Variants in IQGAP2 observed in about 807,000 individuals in gnomAD.
IQGAP2 encodes the protein IQ motif containing GTPase activating protein 2.
A neutral mutation model predicts 201.3 loss-of-function variants in IQGAP2; 173 were observed. That is an observed-to-expected ratio of 0.86 (90% CI 0.76 to 0.98). The LOEUF (loss-of-function observed/expected upper bound fraction) is 0.98. Among genes scored for constraint, IQGAP2 ranks in the 50% least tolerant of loss-of-function variants. The pLI is 0.00. For missense variants in IQGAP2, 1,687 were observed against 1,864.8 expected, an observed-to-expected ratio of 0.90 and a Z score of 1.76; for synonymous variants, 675 against 673.9, an observed-to-expected ratio of 1.00 and a Z score of -0.03.
chr5:76,589,787 A>G (rs1746517918), intron 7 of IQGAP2, 59 bp downstream of exon 7: 2 of 794,142 alleles, frequency 2.5e-6, no homozygotes, highest in Non-Finnish European at 3.9e-6. Context: ...TACTTTACCT[A>G]TTGATTTTGA....
chr5:76,639,886 GA>G (rs1276194966), intron 16 of IQGAP2, among the ~76,000 whole-genome samples: 2 of 151,984 alleles, frequency 1.3e-5, no homozygotes, highest in African/African-American at 2.4e-5. Context: ...TAATTTTGAA[GA>G]AAAAAATGAA....
chr5:76,493,130 C>T (rs531391748), intron 2 of IQGAP2, among the ~76,000 whole-genome samples: 49 of 152,322 alleles, frequency 3.2e-4, no homozygotes, highest in Admixed American at 5.2e-4. Flanking sequence ...CTTGTCCCCA[C>T]TTGCTCTGTT....
At chr5:76,628,315 T>C (rs1466440725) in intron 14 of IQGAP2, among the ~76,000 whole-genome samples, 1 of 152,202 alleles carries the variant, frequency 6.6e-6, no homozygotes, top group African/African-American at 2.4e-5. Flanking sequence ...TGTAGGGGTT[T>C]GTGGAGGTCA....
At position 76,573,860 on chromosome 5, in the gene IQGAP2, G is replaced by A. The variant is rs183564715; in HGVS notation, c.382-1833G>A. 2.9e-4 allele frequency among the ~76,000 whole-genome samples: 44 copies of A among 150,566 alleles called. No homozygotes were observed. In the East Asian group the frequency reaches 5.9e-3, roughly 20 times the overall value. On this transcript the variant is annotated intron_variant, in intron 4 of 35. Transcript: ENST00000274364. The stretch of plus-strand genomic sequence containing the variant: ...GCTGGTCTTGAACTCCTGACCTCAC[G>A]TGATCTACCTGCCTCTGCCTTCCAA...
rs886382252 is a variant in IQGAP2 at position 76,676,239 on chromosome 5, C to T, written c.3528-979C>T. Among the ~76,000 whole-genome samples the T allele has an allele frequency of 2.0e-5, 3 of 152,208 alleles. No homozygotes were observed. In the East Asian group the frequency reaches 5.8e-4, roughly 29 times the overall value. ...AAGAAACAAGACCAAAGAAGTGAGC[C>T]TCTTCTAAACTTGTCCTTTCTTCCA... On this transcript the variant is annotated intron_variant, in intron 27 of 35. Coordinates refer to ENST00000274364, the MANE Select transcript of IQGAP2 (RefSeq NM_006633.5).
At chr5:76,633,147 G>A (rs748478477) in intron 15 of IQGAP2, among the ~76,000 whole-genome samples, 17 of 152,102 alleles carry the variant, frequency 1.1e-4, no homozygotes, top group Admixed American at 2.6e-4. Context: ...TTGCTATGTC[G>A]TTTCCCACAT....
intron 5 of IQGAP2, among the ~76,000 whole-genome samples, chr5:76,585,748 AG>A (rs2150300106): frequency 6.6e-6 from 1 of 152,218 alleles, no homozygotes; most frequent in South Asian, 2.1e-4. Flanking sequence ...TCTCAACCTC[AG>A]GTGATTTGCC....
intron 35 of IQGAP2, among the ~76,000 whole-genome samples, chr5:76,705,051 C>G (rs1747754113): frequency 6.6e-6 from 1 of 152,070 alleles, no homozygotes; most frequent in Non-Finnish European, 1.5e-5. Flanking sequence ...GATATATATT[C>G]TTCTTGTAAA....
chr5:76,482,385 A>G (rs370225964), intron 2 of IQGAP2, among the ~76,000 whole-genome samples: 7 of 152,306 alleles, frequency 4.6e-5, no homozygotes, highest in African/African-American at 1.7e-4. Flanking sequence ...TCCATGTTGC[A>G]TTTGTCTTTT....
intron 2 of IQGAP2, among the ~76,000 whole-genome samples, chr5:76,461,989 C>T (rs1219884570): frequency 6.6e-6 from 1 of 152,148 alleles, no homozygotes; most frequent in African/African-American, 2.4e-5. Context: ...TTGTTGGCAG[C>T]AGGATAATGG....
intron 5 of IQGAP2, among the ~76,000 whole-genome samples, chr5:76,578,226 G>A (rs1324459115): frequency 6.6e-6 from 1 of 152,072 alleles, no homozygotes; most frequent in Non-Finnish European, 1.5e-5. Flanking sequence ...GTGTTCTCAA[G>A]CCAGACTCCA....
At position 76,562,535 on chromosome 5, in the gene IQGAP2, G is replaced by A. The variant is rs1219905442; in HGVS notation, c.286G>A (p.Glu96Lys). 4 of 1,613,448 alleles carry A rather than the reference G, an allele frequency of 2.5e-6. No homozygotes were observed. Among genetic ancestry groups the A allele is most frequent in the Admixed American group, 3.3e-5 (2 of 59,892 alleles). Residue 96 changes from glutamate (E) to lysine (K), a missense_variant, in exon 3 of 36, where the codon GAA becomes AAA. Glu to Lys is a moderately conservative substitution (Grantham distance 56, BLOSUM62 1). Transcript: ENST00000274364. Reference protein sequence around the residue: ...MVSEKKIYDVEQTRYKKSGLH... With the variant: ...MVSEKKIYDVKQTRYKKSGLH... Reference sequence around the variant, plus strand: ...ATCAGAGAAAAAGATCTATGATGTGGAACAAACACGTTATAAGGTAACCAA... The same window carrying A: ...ATCAGAGAAAAAGATCTATGATGTGAAACAAACACGTTATAAGGTAACCAA...
chr5:76,527,161 A>G (rs1759022333), intron 2 of IQGAP2, among the ~76,000 whole-genome samples: 1 of 152,264 alleles, frequency 6.6e-6, no homozygotes, highest in Non-Finnish European at 1.5e-5. Flanking sequence ...GTGTCTGGCC[A>G]AGATAGTGAT....
chr5:76,641,983 A>G (rs1328272785), intron 17 of IQGAP2, among the ~76,000 whole-genome samples: 2 of 152,174 alleles, frequency 1.3e-5, no homozygotes, highest in African/African-American at 4.8e-5. Context: ...ATAGGTGCTT[A>G]CATATTTAAA....
intron 2 of IQGAP2, among the ~76,000 whole-genome samples, chr5:76,492,773 G>A (rs543678182): frequency 3.3e-5 from 5 of 152,144 alleles, no homozygotes; most frequent in East Asian, 1.9e-4. Flanking sequence ...GACACAGTCC[G>A]CTCTTCACTC....
intron 1 of IQGAP2, among the ~76,000 whole-genome samples, chr5:76,447,504 A>G (rs1410875483): frequency 6.6e-6 from 1 of 152,186 alleles, no homozygotes; most frequent in African/African-American, 2.4e-5. Flanking sequence ...AACAAAAAAC[A>G]TGGGGCATAG....
intron 1 of IQGAP2, among the ~76,000 whole-genome samples, chr5:76,428,182 C>T (rs970569864): frequency 6.6e-6 from 1 of 152,118 alleles, no homozygotes; most frequent in Admixed American, 6.6e-5. Flanking sequence ...GGGCTTTGGC[C>T]TGCCTTTCTG....
chr5:76,654,371 A>T, intron 19 of IQGAP2, 100 bp downstream of exon 19: 1 of 701,128 alleles, frequency 1.4e-6, no homozygotes, highest in Non-Finnish European at 2.4e-6. Context: ...AATGGTGAAC[A>T]TGAACACTTA....
At chr5:76,453,685 T>A (rs1468801248) in intron 1 of IQGAP2, among the ~76,000 whole-genome samples, 2 of 152,212 alleles carry the variant, frequency 1.3e-5, no homozygotes, top group Non-Finnish European at 2.9e-5. Flanking sequence ...TGTAAAATAT[T>A]ATTATTTCTA....
Sources: gnomAD v4.1 joint callset for allele counts (sites outside exome capture counted in the v4.1 genomes callset) on GRCh38, gnomAD v4.1.1 for gene constraint, MANE v1.5 for transcripts, NCBI Gene and HGNC (gene_info 2026-07-23, HGNC 2026-07-21) for gene names.